Variants in ZNF804B observed in about 807,000 individuals in gnomAD.
ZNF804B encodes zinc finger protein 804B, also known as zinc finger 804B.
In ZNF804B, 80 loss-of-function variants were observed where a neutral mutation model predicts 101.4. That is an observed-to-expected ratio of 0.79 (90% CI 0.66 to 0.95). The LOEUF is 0.95. Ranked by LOEUF, ZNF804B falls within the 40% of genes least tolerant of loss-of-function variation. The pLI, the probability that ZNF804B is intolerant of heterozygous loss-of-function variation, is 0.00. For missense variants in ZNF804B, 1,673 were observed against 1,561.9 expected (o/e 1.07, Z -1.20); for synonymous variants, 622 against 558.8 (o/e 1.11, Z -1.59).
intron 2 of ZNF804B, among the ~76,000 whole-genome samples, chr7:89,253,143 T>C (rs747844530): frequency 2.6e-5 from 4 of 152,194 alleles, no homozygotes; most frequent in Non-Finnish European, 5.9e-5. Context: ...GTAATACTTA[T>C]AGGTATTCTA....
chr7:88,885,845 G>T (rs28689952), intron 1 of ZNF804B, among the ~76,000 whole-genome samples: 9 of 151,628 alleles, frequency 5.9e-5, no homozygotes, highest in African/African-American at 1.7e-4. Context: ...TACATTGTGT[G>T]CAATAAAATA....
chr7:88,935,518 A>G (rs1217086026), intron 1 of ZNF804B, among the ~76,000 whole-genome samples: 2 of 151,386 alleles, frequency 1.3e-5, no homozygotes, highest in African/African-American at 4.8e-5. Context: ...ACCTCACTCT[A>G]TTTATTTTTT....
chr7:88,866,822 G>A (rs2115869137), intron 1 of ZNF804B, among the ~76,000 whole-genome samples: 2 of 152,276 alleles, frequency 1.3e-5, no homozygotes, highest in South Asian at 4.1e-4. Flanking sequence ...TATTTAGCTT[G>A]GCATTTCCTT....
rs146199363 is a variant in ZNF804B at position 89,184,653 on chromosome 7, G to A, written c.109-33502G>A. Among the ~76,000 whole-genome samples the A allele has an allele frequency of 1.7e-4, 26 of 152,072 alleles. No homozygotes were observed. In the East Asian group the frequency reaches 5.0e-3, roughly 29 times the overall value. On this transcript the variant is annotated intron_variant, in intron 1 of 3. Transcript: ENST00000333190. ...GAAATGGATTTGATCACTGATTTCT[G>A]TTGTTTCTATCACTCTGTGTTATCT...
At chr7:88,920,072 A>C (rs2115995147) in intron 1 of ZNF804B, among the ~76,000 whole-genome samples, 1 of 152,200 alleles carries the variant, frequency 6.6e-6, no homozygotes, top group African/African-American at 2.4e-5. Context: ...TCTCATCACT[A>C]AAATACAACC....
At chr7:89,013,990 A>G (rs886131013) in intron 1 of ZNF804B, among the ~76,000 whole-genome samples, 2 of 152,214 alleles carry the variant, frequency 1.3e-5, no homozygotes, top group Admixed American at 1.3e-4. Flanking sequence ...GTATCTTGGC[A>G]TTATGAATAC....
rs181563275 is a variant in ZNF804B, at chr7:89,268,858, G to T, written c.249+50563G>T. Among the ~76,000 whole-genome samples, 57 of 152,034 alleles carry T rather than the reference G, an allele frequency of 3.7e-4. No homozygotes were observed. In the East Asian group the frequency reaches 0.01, roughly 27 times the overall value. On this transcript the variant is annotated intron_variant, in intron 2 of 3. Transcript: ENST00000333190. Reference sequence around the variant, plus strand: ...AACACTTAGTAAATTTTTAATTTAAGTACACTCTTTAGACAAGTGCTGTAT... The same window carrying T: ...AACACTTAGTAAATTTTTAATTTAATTACACTCTTTAGACAAGTGCTGTAT...
chr7:89,023,542 C>A (rs796110560), intron 1 of ZNF804B, among the ~76,000 whole-genome samples: 13 of 152,164 alleles, frequency 8.5e-5, no homozygotes, highest in African/African-American at 3.1e-4. Flanking sequence ...CTCTAATAAC[C>A]ATTTCAGAAT....
intron 1 of ZNF804B, among the ~76,000 whole-genome samples, chr7:88,958,637 G>C (rs2116084743): frequency 6.6e-6 from 1 of 151,496 alleles, no homozygotes; most frequent in Admixed American, 6.6e-5. Flanking sequence ...TAATATTTCT[G>C]ACTTTGAATC....
intron 1 of ZNF804B, among the ~76,000 whole-genome samples, chr7:88,869,125 C>T (rs1791778404): frequency 6.6e-6 from 1 of 152,184 alleles, no homozygotes; most frequent in Non-Finnish European, 1.5e-5. Context: ...TTATAAATCA[C>T]ATGCTTTCAT....
intron 1 of ZNF804B, among the ~76,000 whole-genome samples, chr7:89,184,521 C>G (rs1047659124): frequency 3.9e-5 from 6 of 152,138 alleles, no homozygotes; most frequent in African/African-American, 1.4e-4. Context: ...AGTTCTTTAT[C>G]AGTTTCGTGT....
chr7:89,299,591 A>G (rs10256264), intron 2 of ZNF804B, among the ~76,000 whole-genome samples: 35,657 of 151,968 alleles, frequency 0.23, 4,490 homozygotes, highest in Admixed American at 0.28. Flanking sequence ...AACAACAACA[A>G]CAAAACTCAG....
Position 89,177,527 on chromosome 7 carries a change from A to T in ZNF804B, c.109-40628A>T, listed in dbSNP as rs531256851. Among the ~76,000 whole-genome samples, 527 of 152,296 alleles carry T rather than the reference A, an allele frequency of 3.5e-3. 3 individuals are homozygous for T. Among genetic ancestry groups the T allele is most frequent in the Non-Finnish European group, 5.1e-3 (347 of 68,032 alleles). ...TGTTTTAATGCTCGTTTTGTGGCCA[A>T]ATATGTTATATCCTTAAGAATTTTA... On this transcript the variant is annotated intron_variant, in intron 1 of 3. Coordinates refer to ENST00000333190, the MANE Select transcript of ZNF804B (RefSeq NM_181646.5).
intron 1 of ZNF804B, among the ~76,000 whole-genome samples, chr7:88,787,141 A>G (rs1790314273): frequency 6.6e-6 from 1 of 152,164 alleles, no homozygotes; most frequent in Non-Finnish European, 1.5e-5. Context: ...CTGTTAGAGA[A>G]CAAAGTGTGA....
At chr7:89,054,870 T>C (rs2116271893) in intron 1 of ZNF804B, among the ~76,000 whole-genome samples, 1 of 152,154 alleles carries the variant, frequency 6.6e-6, no homozygotes, top group South Asian at 2.1e-4. Context: ...TCTTTAAAAC[T>C]ACATTTTGAA....
At chr7:89,138,938 C>A (rs929347079) in intron 1 of ZNF804B, among the ~76,000 whole-genome samples, 3 of 152,042 alleles carry the variant, frequency 2.0e-5, no homozygotes, top group Non-Finnish European at 4.4e-5. Flanking sequence ...TTGTAAATTG[C>A]CCAGTCTCTG....
intron 1 of ZNF804B, among the ~76,000 whole-genome samples, chr7:89,092,408 GTTT>G (rs71120056): frequency 1.1e-4 from 10 of 93,814 alleles, no homozygotes; most frequent in Non-Finnish European, 1.8e-4. Flanking sequence ...TTTCTTTTCT[GTTT>G]TTTTTTTTTT....
intron 1 of ZNF804B, among the ~76,000 whole-genome samples, chr7:89,077,814 A>G (rs1393318063): frequency 6.6e-6 from 1 of 152,162 alleles, no homozygotes; most frequent in Non-Finnish European, 1.5e-5. Flanking sequence ...AATTAAAACT[A>G]CTTAACTGTA....
chr7:89,079,178 GGATAA>G (rs1789657808), intron 1 of ZNF804B, among the ~76,000 whole-genome samples: 1 of 151,956 alleles, frequency 6.6e-6, no homozygotes, highest in African/African-American at 2.4e-5. Flanking sequence ...TGTGAATGAG[GGATAA>G]GATAACATGA....
Sources: allele counts gnomAD v4.1 joint callset (sites outside exome capture counted in the v4.1 genomes callset), GRCh38; gene constraint gnomAD v4.1.1; transcripts MANE v1.5; gene names NCBI Gene and HGNC (gene_info 2026-07-23, HGNC 2026-07-21).